RNF185: variants seen among roughly 807,000 people sequenced by gnomAD.
The protein encoded by RNF185 is E3 ubiquitin-protein ligase RNF185.
A neutral mutation model predicts 24.9 loss-of-function variants in RNF185; 13 were observed. That is an observed-to-expected ratio of 0.52 (90% CI 0.34 to 0.83). The LOEUF is 0.83. Ranked by LOEUF, RNF185 falls within the 40% of genes least tolerant of loss-of-function variation. The pLI, the probability that RNF185 is intolerant of heterozygous loss-of-function variation, is 0.01. For synonymous variants in RNF185, 79 were observed against 90.3 expected, an observed-to-expected ratio of 0.88 and a Z score of 0.71; for missense variants, 184 against 244.7, an observed-to-expected ratio of 0.75 and a Z score of 1.65.
At chr22:31,166,436 G>A (rs1244364639) in intron 1 of RNF185, among the ~76,000 whole-genome samples, 2 of 152,182 alleles carry the variant, frequency 1.3e-5, no homozygotes, top group South Asian at 4.1e-4. Context: ...ATTTTTAATA[G>A]TTGGAATCAC....
intron 1 of RNF185, among the ~76,000 whole-genome samples, chr22:31,174,741 C>G (rs967631498): frequency 6.6e-6 from 1 of 151,488 alleles, no homozygotes. Context: ...AAGCTTAAAA[C>G]CCAACAAATG....
rs142632971 is a variant in RNF185 at position 31,179,258 on chromosome 22, C to T, written c.-48-7789C>T. On this transcript the variant is annotated intron_variant, in intron 1 of 6. Coordinates refer to ENST00000326132, the MANE Select transcript of RNF185 (RefSeq NM_152267.4). Reference sequence around the variant, plus strand: ...TTCTCTTTCTGCCTAGTTCCTGAGCCGATCAGGAACCTCTATGTTTTGGGC... The same window carrying T: ...TTCTCTTTCTGCCTAGTTCCTGAGCTGATCAGGAACCTCTATGTTTTGGGC... 1.3e-3 allele frequency among the ~76,000 whole-genome samples: 194 copies of T among 152,206 alleles called. 1 individual carries two copies. Among genetic ancestry groups the T allele is most frequent in the South Asian group, 0.011 (54 of 4,820 alleles).
intron 1 of RNF185, among the ~76,000 whole-genome samples, chr22:31,183,623 A>G (rs570241791): frequency 6.6e-6 from 1 of 152,290 alleles, no homozygotes; most frequent in African/African-American, 2.4e-5. Flanking sequence ...TCTGTTTAAC[A>G]AAGCACATCT....
At chr22:31,199,157 T>C (rs556102942) in intron 5 of RNF185, among the ~76,000 whole-genome samples, 1 of 152,124 alleles carries the variant, frequency 6.6e-6, no homozygotes, top group East Asian at 1.9e-4. Context: ...TTACCCTTAA[T>C]AATAATACTA....
At chr22:31,164,457 T>C (rs781691983) in intron 1 of RNF185, among the ~76,000 whole-genome samples, 6 of 152,198 alleles carry the variant, frequency 3.9e-5, no homozygotes, top group African/African-American at 7.2e-5. Flanking sequence ...AGAGACTTTA[T>C]TCAGATTTTG....
intron 1 of RNF185, among the ~76,000 whole-genome samples, chr22:31,184,341 C>T (rs1388483426): frequency 6.6e-6 from 1 of 151,708 alleles, no homozygotes; most frequent in Admixed American, 6.6e-5. Flanking sequence ...GAGGCGCTCC[C>T]CACATCCCAG....
chr22:31,178,129 G>A (rs986818224), intron 1 of RNF185, among the ~76,000 whole-genome samples: 6 of 152,196 alleles, frequency 3.9e-5, no homozygotes, highest in African/African-American at 1.2e-4. Flanking sequence ...CACATGTGTT[G>A]CCCTGGACAT....
At chr22:31,176,457 T>C (rs1156816218) in intron 1 of RNF185, among the ~76,000 whole-genome samples, 1 of 151,210 alleles carries the variant, frequency 6.6e-6, no homozygotes, top group Non-Finnish European at 1.5e-5. Flanking sequence ...TATTCAACTT[T>C]GTATACAATT....
chr22:31,180,911 CTCTCTGTGTG>C (rs1221229558), intron 1 of RNF185, among the ~76,000 whole-genome samples: 8,225 of 124,266 alleles, frequency 0.066, 248 homozygotes, highest in Middle Eastern at 0.1. Context: ...TTTTCTCTCT[CTCTCTGTGTG>C]TGTGTGTGTG....
intron 1 of RNF185, 39 bp from the exon 2 acceptor site, chr22:31,187,008 G>T: frequency 2.9e-6 from 4 of 1,365,636 alleles, no homozygotes; most frequent in Non-Finnish European, 3.0e-6. Flanking sequence ...GGGGGAGAGG[G>T]CTGCAGAAAT....
chr22:31,174,128 C>G (rs1256223796), intron 1 of RNF185, among the ~76,000 whole-genome samples: 2 of 152,130 alleles, frequency 1.3e-5, no homozygotes, highest in Non-Finnish European at 2.9e-5. Context: ...TTAGAACTGT[C>G]TTGTGAGGAA....
In RNF185 at chr22:31,203,269, A is replaced by G. The variant is rs142012672; in HGVS notation, c.482-1220A>G. ...GTCAGGACAGGGAGCTCTAAATGGT[A>G]GCTTTTCCTAAAGCAGAGAGGAGTG... On this transcript the variant is annotated intron_variant, in intron 6 of 6. Transcript: ENST00000326132. 4.5e-3 allele frequency among the ~76,000 whole-genome samples: 692 copies of G among 152,306 alleles called. 4 individuals carry two copies. Among genetic ancestry groups the G allele is most frequent in the African/African-American group, 0.016 (658 of 41,572 alleles).
At chr22:31,175,935 A>G (rs2047978015) in intron 1 of RNF185, among the ~76,000 whole-genome samples, 1 of 151,930 alleles carries the variant, frequency 6.6e-6, no homozygotes, top group Admixed American at 6.6e-5. Flanking sequence ...CACATCTTTT[A>G]TTTTGTAATT....
At position 31,206,888 on chromosome 22, in the gene RNF185, A is replaced by C. The variant is rs887519025; in HGVS notation, c.*2302A>C. The stretch of plus-strand genomic sequence containing the variant: ...CACCCTCCTCCTGCCACCCTTGTGG[A>C]CTAGGACCAGGTCCTGACCCCAGTC... On this transcript the variant is annotated 3_prime_UTR_variant, in exon 7 of 7. Coordinates refer to ENST00000326132, the MANE Select transcript of RNF185 (RefSeq NM_152267.4). 6.6e-6 allele frequency: 1 copy of C among 152,262 alleles called. No homozygotes were observed. The highest frequency in any genetic ancestry group is 2.4e-5 in the African/African-American group (1 of 41,446). 9.4% of individuals were successfully genotyped at this position (152,262 alleles called of 1,614,324 possible).
At chr22:31,162,131 G>A (rs1413465700) in intron 1 of RNF185, among the ~76,000 whole-genome samples, 1 of 152,150 alleles carries the variant, frequency 6.6e-6, no homozygotes, top group African/African-American at 2.4e-5. Flanking sequence ...GCTTAGGAAT[G>A]TTTATGTTGT....
At chr22:31,183,793 GAC>G (rs1365753599) in intron 1 of RNF185, among the ~76,000 whole-genome samples, 1 of 152,172 alleles carries the variant, frequency 6.6e-6, no homozygotes, top group Non-Finnish European at 1.5e-5. Context: ...TTTCTACACA[GAC>G]ACAATAACAA....
intron 3 of RNF185, among the ~76,000 whole-genome samples, chr22:31,193,053 T>C (rs529416316): frequency 9.2e-5 from 14 of 152,150 alleles, no homozygotes; most frequent in Non-Finnish European, 2.1e-4. Context: ...GTTATGAAAA[T>C]ATTAGGAAGG....
At chr22:31,191,732 T>C (rs1247093480) in intron 2 of RNF185, among the ~76,000 whole-genome samples, 1 of 148,802 alleles carries the variant, frequency 6.7e-6, no homozygotes, top group African/African-American at 2.5e-5. Context: ...CTCAGGAGGC[T>C]GAGACAGGAG....
intron 3 of RNF185, among the ~76,000 whole-genome samples, chr22:31,193,574 A>G (rs1197313700): frequency 1.3e-5 from 2 of 152,138 alleles, no homozygotes; most frequent in Non-Finnish European, 2.9e-5. Flanking sequence ...CAGGTGGATC[A>G]CTTGAGGCAA....
Sources: allele counts gnomAD v4.1 joint callset (sites outside exome capture counted in the v4.1 genomes callset), GRCh38; gene constraint gnomAD v4.1.1; transcripts MANE v1.5; gene names NCBI Gene and HGNC (gene_info 2026-07-23, HGNC 2026-07-21).